Variants in DOCK1 observed in about 807,000 individuals in gnomAD.
DOCK1 encodes dedicator of cytokinesis protein 1.
A neutral mutation model predicts 262.7 loss-of-function variants in DOCK1; 138 were observed. That is an observed-to-expected ratio of 0.53 (90% confidence interval 0.46 to 0.61). The LOEUF is 0.61. DOCK1 is among the 20% of genes least tolerant of loss of function. DOCK1 has a pLI of 0.00. For missense variants in DOCK1, 1,908 were observed against 2,370.7 expected (o/e 0.80, Z 4.05); for synonymous variants, 866 against 867.4 (o/e 1.00, Z 0.03).
At position 127,069,319 on chromosome 10, in the gene DOCK1, G is replaced by T. The variant is rs148857719; in HGVS notation, c.2445+7543G>T. On this transcript the variant is annotated intron_variant, in intron 23 of 51. Transcript: ENST00000623213. ...CCTTTGTGTTTCTTGGTACAGGATTGTTGGCCAAGTTAGGTAAGGAGACGA... is the reference window on the plus strand; with the variant it reads ...CCTTTGTGTTTCTTGGTACAGGATTTTTGGCCAAGTTAGGTAAGGAGACGA... Among the ~76,000 whole-genome samples the T allele has an allele frequency of 2.0e-5, 3 of 152,244 alleles. No individual in the cohort carries two copies. In the East Asian group the frequency reaches 5.8e-4, roughly 29 times the overall value.
rs142827153 is a variant in DOCK1, at chr10:127,161,468, C to A, written c.2847+33704C>A. On this transcript the variant is annotated intron_variant, in intron 27 of 51. Transcript: ENST00000623213. ...TGAGCAGTTATGAGATCCTTGCTGG[C>A]CTTGGATCTCCAAGTAGACAAAGTA... is the stretch of plus-strand genomic sequence containing the variant. Among the ~76,000 whole-genome samples the A allele has an allele frequency of 5.3e-5, 8 of 152,248 alleles. No individual in the cohort carries two copies. In the East Asian group the frequency reaches 1.5e-3, roughly 29 times the overall value.
chr10:127,408,518 G>T (rs968650658), intron 40 of DOCK1, among the ~76,000 whole-genome samples: 1 of 152,218 alleles, frequency 6.6e-6, no homozygotes, highest in Admixed American at 6.5e-5. Flanking sequence ...TGTCTCACAG[G>T]AGTCAGCGCC....
chr10:127,378,617 G>A (rs1348731724), intron 35 of DOCK1, among the ~76,000 whole-genome samples: 1 of 149,804 alleles, frequency 6.7e-6, no homozygotes, highest in African/African-American at 2.5e-5. Context: ...TCCGAGAGAG[G>A]AATGAAGGTC....
chr10:127,265,731 TTA>T (rs2060330158), intron 29 of DOCK1, among the ~76,000 whole-genome samples: 1 of 152,228 alleles, frequency 6.6e-6, no homozygotes, highest in African/African-American at 2.4e-5. Context: ...ATTTCCTCAC[TTA>T]TAAGTATTAT....
chr10:127,145,480 T>G (rs1678105810), intron 27 of DOCK1, among the ~76,000 whole-genome samples: 1 of 152,150 alleles, frequency 6.6e-6, no homozygotes, highest in South Asian at 2.1e-4. Flanking sequence ...TTTTCCAACT[T>G]TTGACAGAAA....
intron 45 of DOCK1, among the ~76,000 whole-genome samples, chr10:127,418,808 C>CA (rs2068319245): frequency 6.6e-6 from 1 of 152,238 alleles, no homozygotes; most frequent in Non-Finnish European, 1.5e-5. Context: ...TATCTGCACC[C>CA]AGGCCTCCAG....
intron 1 of DOCK1, among the ~76,000 whole-genome samples, chr10:126,938,646 G>A (rs1362371357): frequency 1.3e-5 from 2 of 152,124 alleles, no homozygotes; most frequent in Non-Finnish European, 2.9e-5. Flanking sequence ...TAGTTCTGGA[G>A]GCTGGGAAGT....
intron 12 of DOCK1, among the ~76,000 whole-genome samples, chr10:127,018,177 G>T (rs904690848): frequency 2.0e-5 from 3 of 152,196 alleles, no homozygotes; most frequent in Non-Finnish European, 2.9e-5. Flanking sequence ...ACCTGTCCTG[G>T]CTGCGGAGGG....
intron 23 of DOCK1, among the ~76,000 whole-genome samples, chr10:127,099,169 G>C (rs2048085017): frequency 6.6e-6 from 1 of 152,166 alleles, no homozygotes; most frequent in African/African-American, 2.4e-5. Context: ...AATGCAGAGA[G>C]AGGAATGCTT....
intron 27 of DOCK1, among the ~76,000 whole-genome samples, chr10:127,225,238 A>G (rs2058592585): frequency 6.6e-6 from 1 of 152,236 alleles, no homozygotes; most frequent in South Asian, 2.1e-4. Flanking sequence ...TGTTTTATAT[A>G]TATATTTATG....
intron 29 of DOCK1, among the ~76,000 whole-genome samples, chr10:127,332,872 T>C (rs1396325182): frequency 1.3e-5 from 2 of 152,184 alleles, no homozygotes; most frequent in African/African-American, 4.8e-5. Context: ...GAAGCATTCA[T>C]TATCTCTCCT....
rs779468850 is a variant in DOCK1 at position 127,418,345 on chromosome 10, G to A, written c.4516-20G>A. 1.9e-6 allele frequency: 3 copies of A among 1,595,338 alleles called. No individual in the cohort carries two copies. The highest frequency in any genetic ancestry group is 4.5e-5 in the East Asian group (2 of 44,440). ...GAGGCAGCTGTGGGGCTGACATCGG[G>A]CTCTCCTCTCTCTTTGCAGGTGGAA... On this transcript the variant is annotated intron_variant, in intron 44 of 51. Coordinates refer to ENST00000623213, the MANE Select transcript of DOCK1 (RefSeq NM_001290223.2).
chr10:127,417,409 A>G (rs2068224704), intron 44 of DOCK1, among the ~76,000 whole-genome samples: 1 of 152,068 alleles, frequency 6.6e-6, no homozygotes, highest in Admixed American at 6.5e-5. Flanking sequence ...AAGAGGGTGG[A>G]GGTCCCTGAG....
chr10:126,999,004 A>G (rs1046697318), intron 8 of DOCK1, among the ~76,000 whole-genome samples: 7 of 152,132 alleles, frequency 4.6e-5, no homozygotes, highest in Non-Finnish European at 1.0e-4. Flanking sequence ...TTTACAATGT[A>G]TTTGGTTTGT....
intron 1 of DOCK1, among the ~76,000 whole-genome samples, chr10:126,952,556 T>C (rs2036354464): frequency 7.1e-6 from 1 of 141,638 alleles, no homozygotes; most frequent in East Asian, 2.1e-4. Context: ...GTGGTAGTAT[T>C]GGTGGTAGTG....
intron 24 of DOCK1, among the ~76,000 whole-genome samples, chr10:127,106,872 T>C (rs1433544191): frequency 6.6e-6 from 1 of 152,182 alleles, no homozygotes; most frequent in Non-Finnish European, 1.5e-5. Context: ...CGCCTCTCAG[T>C]GGCCAGGTGT....
intron 20 of DOCK1, 59 bp from the exon 21 acceptor site, chr10:127,043,002 TGAA>T: frequency 7.6e-7 from 1 of 1,321,148 alleles, no homozygotes; most frequent in Non-Finnish European, 1.1e-6. Context: ...ATGGTTCTGA[TGAA>T]GATTATAAAA....
At chr10:126,951,074 G>A (rs2036177113) in intron 1 of DOCK1, among the ~76,000 whole-genome samples, 1 of 151,772 alleles carries the variant, frequency 6.6e-6, no homozygotes, top group Non-Finnish European at 1.5e-5. Context: ...ATTGTTTTTG[G>A]TAGTGTTTTT....
intron 33 of DOCK1, among the ~76,000 whole-genome samples, chr10:127,362,836 TACACACACAC>T (rs564195794): frequency 1.5e-4 from 1 of 6,614 alleles, no homozygotes; most frequent in Non-Finnish European, 3.6e-4. Context: ...CACCCACACA[TACACACACAC>T]ACACACATGT....
Sources: gnomAD v4.1 joint callset for allele counts (sites outside exome capture counted in the v4.1 genomes callset) on GRCh38, gnomAD v4.1.1 for gene constraint, MANE v1.5 for transcripts, NCBI Gene and HGNC (gene_info 2026-07-23, HGNC 2026-07-21) for gene names.